The following RRP8 variants were observed in gnomAD, a reference collection of about 807,000 sequenced individuals.
The protein encoded by RRP8 is ribosomal RNA processing 8.
Under a neutral mutation model 45.0 loss-of-function variants are expected in RRP8, and 48 were observed. The observed-to-expected ratio is 1.07, with a 90% CI of 0.85 to 1.36. RRP8 has a LOEUF of 1.36. Ranked by LOEUF, RRP8 falls within the 40% of genes most tolerant of loss-of-function variation. The pLI is 0.00. For synonymous variants in RRP8, 274 were observed against 212.4 expected (o/e 1.29, Z -2.52); for missense variants, 658 against 573.7 (o/e 1.15, Z -1.50).
rs547200283 is a variant in RRP8 at position 6,595,931 on chromosome 11, G to A, written c.*4215C>T. The stretch of plus-strand genomic sequence containing the variant: ...CTATTATGCCCTAAATAGTAACTCA[G>A]GTATTCAGACTTCTTCTATGCTATG... On this transcript the variant is annotated 3_prime_UTR_variant, in exon 7 of 7. Transcript: ENST00000254605. 1.3e-5 allele frequency: 2 copies of A among 152,144 alleles called. No homozygotes were observed. The highest frequency in any genetic ancestry group is 2.9e-5 in the Non-Finnish European group (2 of 68,022). 9.4% of individuals were successfully genotyped at this position (152,144 alleles called of 1,614,324 possible).
Position 6,603,399 on chromosome 11 carries a change from C to T in RRP8, c.99+5G>A, listed in dbSNP as rs768392204. Reference sequence around the variant, plus strand: ...CAGCTCCCATTGCTCCCGCGAGTCACTCACCTTGTTTTGCGAGGAGGCCGC... The same window carrying T: ...CAGCTCCCATTGCTCCCGCGAGTCATTCACCTTGTTTTGCGAGGAGGCCGC... On this transcript the variant is annotated splice_donor_5th_base_variant and intron_variant, in intron 1 of 6. Coordinates refer to ENST00000254605, the MANE Select transcript of RRP8 (RefSeq NM_015324.4). 6.9e-6 allele frequency: 11 copies of T among 1,596,472 alleles called. No homozygotes were observed. Among genetic ancestry groups the T allele is most frequent in the Non-Finnish European group, 9.4e-6 (11 of 1,171,634 alleles).
In RRP8 at chr11:6,600,553, C is replaced by T; in HGVS notation, c.1184G>A (p.Ser395Asn). 6.2e-7 allele frequency: 1 copy of T among 1,614,126 alleles called. No homozygotes were observed. Among genetic ancestry groups the T allele is most frequent in the Non-Finnish European group, 8.5e-7 (1 of 1,180,014 alleles). Residue 395 changes from serine (S) to asparagine (N), a missense_variant, in exon 6 of 7, where the codon AGC becomes AAC. Coordinates refer to ENST00000254605, the MANE Select transcript of RRP8 (RefSeq NM_015324.4). ...AAAGGTTCGAACATCCTCAAAGCGG[C>T]TGCTGACCTCAGCCACTTTCAGGAG... ...GGLLKVAEVS[S>N]RFEDVRTFLR...
rs748472636 is a variant in RRP8 at position 6,602,032 on chromosome 11, T to C, written c.283A>G (p.Lys95Glu). Residue 95 changes from lysine (K) to glutamate (E), a missense_variant, in exon 2 of 7, where the codon AAA becomes GAA. Lys to Glu is a moderately conservative substitution (Grantham distance 56, BLOSUM62 1). Coordinates refer to ENST00000254605, the MANE Select transcript of RRP8 (RefSeq NM_015324.4). ...SAEVGKKGKKKCQKQGPPCSD... is the reference protein window; with the variant it reads ...SAEVGKKGKKECQKQGPPCSD... ...CAAGGTGGGCCCTGTTTTTGACATT[T>C]CTTCTTCCCTTTCTTCCCTACTTCA... The C allele has an allele frequency of 5.6e-6, 9 of 1,614,056 alleles. No individual in the cohort carries two copies. In the Admixed American group the frequency reaches 6.7e-5, roughly 12 times the overall value.
rs375381036 is a variant in RRP8, at chr11:6,600,022, T to C, written c.*124A>G. ...GAGCAAGTCTGAGCCAGAGGTTTTA[T>C]CACACTTTGTCCTCAGGGTCCACCA... On this transcript the variant is annotated 3_prime_UTR_variant, in exon 7 of 7. Transcript: ENST00000254605. The C allele has an allele frequency of 1.7e-5, 10 of 599,784 alleles. No homozygotes were observed. The highest frequency in any genetic ancestry group is 1.4e-4 in the East Asian group (5 of 35,026). 37.2% of individuals were successfully genotyped at this position (599,784 alleles called of 1,614,324 possible). A position where few individuals can be genotyped will look rare whatever the true frequency, so the allele number is the denominator to read the frequency against.
chr11:6,598,525 T>C lies in RRP8; in HGVS notation c.*1621A>G, dbSNP rs1238592190. ...CAATATTTAGAAGCTGAAGTAGCAC[T>C]CTTCACATAGTACTTTGAGAGTACA... On this transcript the variant is annotated 3_prime_UTR_variant, in exon 7 of 7. Coordinates refer to ENST00000254605, the MANE Select transcript of RRP8 (RefSeq NM_015324.4). 1 of 152,258 alleles carries C rather than the reference T, an allele frequency of 6.6e-6. No homozygotes were observed. The highest frequency in any genetic ancestry group is 6.5e-5 in the Admixed American group (1 of 15,288). The allele number at this position is 152,258 out of a possible 1,614,324, so 9.4% of individuals were successfully genotyped here.
intron 5 of RRP8, 30 bp from the exon 6 acceptor site, chr11:6,600,612 G>A (rs1291770465): frequency 2.5e-6 from 4 of 1,604,034 alleles, no homozygotes; most frequent in Non-Finnish European, 3.4e-6. Flanking sequence ...CTGTGTAAGT[G>A]CACAGACTCA....
intron 2 of RRP8, 63 bp downstream of exon 2, chr11:6,601,789 A>G (rs1854375713): frequency 6.6e-7 from 1 of 1,516,854 alleles, no homozygotes; most frequent in Non-Finnish European, 8.8e-7. Context: ...TCTTGTATGT[A>G]GAACCAGCTG....
Position 6,602,038 on chromosome 11 carries a change from T to C in RRP8, c.277A>G (p.Lys93Glu). ...GGGCCCTGTTTTTGACATTTCTTCT[T>C]CCCTTTCTTCCCTACTTCAGCAGAG... Reference protein sequence around the residue: ...SASAEVGKKGKKKCQKQGPPC... With the variant: ...SASAEVGKKGEKKCQKQGPPC... Residue 93 changes from lysine to glutamate, a missense_variant, in exon 2 of 7, where the codon AAG becomes GAG. Transcript: ENST00000254605. The C allele has an allele frequency of 6.2e-7, 1 of 1,614,144 alleles. No individual in the cohort carries two copies. Among genetic ancestry groups the C allele is most frequent in the Non-Finnish European group, 8.5e-7 (1 of 1,179,994 alleles).
At chr11:6,601,085 G>T in intron 3 of RRP8, 30 bp from the exon 4 acceptor site, 1 of 1,614,138 alleles carries the variant, frequency 6.2e-7, no homozygotes. Context: ...GTCACATATT[G>T]GTCTGATCTG....
intron 1 of RRP8, 90 bp from the exon 2 acceptor site, chr11:6,602,305 T>C: frequency 2.1e-6 from 3 of 1,398,260 alleles, no homozygotes; most frequent in Non-Finnish European, 2.8e-6. Flanking sequence ...TGATTCAGAC[T>C]GGCAGAAGCA....
At position 6,600,109 on chromosome 11, in the gene RRP8, T is replaced by C; in HGVS notation, c.*37A>G. ...GTCTTCACAGTTCTGAGCCTGGAGTTTGAGATCTGCCTCCCCTTTCAAGGA... is the reference window on the plus strand; with the variant it reads ...GTCTTCACAGTTCTGAGCCTGGAGTCTGAGATCTGCCTCCCCTTTCAAGGA... On this transcript the variant is annotated 3_prime_UTR_variant, in exon 7 of 7. Transcript: ENST00000254605. The C allele has an allele frequency of 7.3e-7, 1 of 1,365,916 alleles. No individual in the cohort carries two copies. Among genetic ancestry groups the C allele is most frequent in the South Asian group, 1.4e-5 (1 of 71,660 alleles). 84.6% of individuals were successfully genotyped at this position (1,365,916 alleles called of 1,614,324 possible).
chr11:6,601,249 C>T lies in RRP8; in HGVS notation c.817G>A (p.Asp273Asn). The change falls in exon 3 of 7, where the codon GAC (aspartate) becomes AAC (asparagine). Residue 273 changes from aspartate to asparagine, a missense_variant. Physicochemically the swap from Asp to Asn is conservative, Grantham distance 23 (BLOSUM62 1). Transcript: ENST00000254605. Reference protein sequence around the residue: ...SSAAQRLFQEDPEAFLLYHRG... With the variant: ...SSAAQRLFQENPEAFLLYHRG... ...TGGTAGAGAAGAAAAGCCTCAGGGTCTTCCTGGAAGAGACGCTGTGCAGCA... is the reference window on the plus strand; with the variant it reads ...TGGTAGAGAAGAAAAGCCTCAGGGTTTTCCTGGAAGAGACGCTGTGCAGCA... 6.2e-7 allele frequency: 1 copy of T among 1,611,508 alleles called. No homozygotes were observed. Among genetic ancestry groups the T allele is most frequent in the Non-Finnish European group, 8.5e-7 (1 of 1,178,752 alleles).
Position 6,595,076 on chromosome 11 carries a change from A to C in RRP8, c.*5070T>G, listed in dbSNP as rs1385611089. 2 of 150,368 alleles carry C rather than the reference A, an allele frequency of 1.3e-5. No homozygotes were observed. The highest frequency in any genetic ancestry group is 2.4e-5 in the African/African-American group (1 of 41,010). 9.3% of individuals were successfully genotyped at this position (150,368 alleles called of 1,614,324 possible). On this transcript the variant is annotated 3_prime_UTR_variant, in exon 7 of 7. Transcript: ENST00000254605. ...ATATTATATATTATACATATATATA[A>C]TTGTTTTATTTATTTATTGAGACAG...
chr11:6,602,231 G>A lies in RRP8; in HGVS notation c.100-16C>T, dbSNP rs1176955023. 1.3e-6 allele frequency: 2 copies of A among 1,532,610 alleles called. No homozygotes were observed. Among genetic ancestry groups the A allele is most frequent in the Non-Finnish European group, 1.7e-6 (2 of 1,146,448 alleles). The allele number at this position is 1,532,610 out of a possible 1,614,324, so 94.9% of individuals were successfully genotyped here. ...GCTTGGAGCCCTGGAGGAAAACAGGGGATGACAGTGGGCCTAAAGAGAATG... is the reference window on the plus strand; with the variant it reads ...GCTTGGAGCCCTGGAGGAAAACAGGAGATGACAGTGGGCCTAAAGAGAATG... On this transcript the variant is annotated splice_polypyrimidine_tract_variant and intron_variant, in intron 1 of 6. Coordinates refer to ENST00000254605, the MANE Select transcript of RRP8 (RefSeq NM_015324.4).
At chr11:6,602,659 A>C (rs1854448332) in intron 1 of RRP8, among the ~76,000 whole-genome samples, 1 of 152,218 alleles carries the variant, frequency 6.6e-6, no homozygotes. Context: ...TGAAGGGGAG[A>C]AATTGCAGAC....
chr11:6,603,582 AC>A lies in RRP8; in HGVS notation c.-81del. On this transcript the variant is annotated 5_prime_UTR_variant, in exon 1 of 7. Transcript: ENST00000254605. ...CTCCTCTGGAAGTCGGAGCGCTCAGACCTGCCAGAACCGACCCGGAAACCAA... is the reference window on the plus strand; with the variant it reads ...CTCCTCTGGAAGTCGGAGCGCTCAGACTGCCAGAACCGACCCGGAAACCAA... 1.2e-6 allele frequency: 1 copy of A among 847,054 alleles called. No homozygotes were observed. The highest frequency in any genetic ancestry group is 1.8e-6 in the Non-Finnish European group (1 of 566,028). 52.5% of individuals were successfully genotyped at this position (847,054 alleles called of 1,614,324 possible).
chr11:6,600,905 C>T (rs1039007227), intron 4 of RRP8, 21 bp downstream of exon 4: 5 of 1,614,038 alleles, frequency 3.1e-6, no homozygotes, highest in Non-Finnish European at 3.4e-6. Flanking sequence ...AGAGCACAAG[C>T]CAGATAACAT....
Position 6,600,484 on chromosome 11 carries a change from AC to A in RRP8, c.1251+1del, listed in dbSNP as rs752919363. On this transcript the variant is annotated splice_donor_variant, in intron 6 of 6. Transcript: ENST00000254605. LOFTEE classifies it high-confidence loss of function. Reference sequence around the variant, plus strand: ...CAGGTACAGATGTCTTGGGGCCCTCACCTTGGAGACAATCTTGAAGCCTAGC... The same window carrying A: ...CAGGTACAGATGTCTTGGGGCCCTCACTTGGAGACAATCTTGAAGCCTAGC... 1 of 1,613,026 alleles carries A rather than the reference AC, an allele frequency of 6.2e-7. No homozygotes were observed. The highest frequency in any genetic ancestry group is 8.5e-7 in the Non-Finnish European group (1 of 1,179,794).
intron 1 of RRP8, 108 bp downstream of exon 1, chr11:6,603,296 C>T: frequency 1.3e-6 from 1 of 778,086 alleles, no homozygotes; most frequent in East Asian, 3.0e-5. Flanking sequence ...AGGACTCGCC[C>T]TTAACGGTGC....
Sources: gnomAD v4.1 joint callset for allele counts (sites outside exome capture counted in the v4.1 genomes callset) on GRCh38, gnomAD v4.1.1 for gene constraint, MANE v1.5 for transcripts, NCBI Gene and HGNC (gene_info 2026-07-23, HGNC 2026-07-21) for gene names.